Variants in BTBD10 observed in about 807,000 individuals in gnomAD.
The protein encoded by BTBD10 is BTB/POZ domain-containing protein 10.
A neutral mutation model predicts 53.2 loss-of-function variants in BTBD10; 21 were observed. The ratio of observed to expected loss-of-function variants is 0.39; its 90% CI spans 0.28 to 0.57. BTBD10 has a LOEUF of 0.57. Among genes scored for constraint, BTBD10 ranks in the 20% least tolerant of loss-of-function variants. The pLI is 0.53. For synonymous variants in BTBD10, 149 were observed against 192.7 expected (o/e 0.77, Z 1.88); for missense variants, 360 against 594.7 (o/e 0.61, Z 4.10).
chr11:13,409,972 T>C (rs1949904661), intron 6 of BTBD10, among the ~76,000 whole-genome samples: 1 of 152,104 alleles, frequency 6.6e-6, no homozygotes, highest in African/African-American at 2.4e-5. Flanking sequence ...GGCACAAGAA[T>C]GATACAGTGG....
In BTBD10 at chr11:13,388,925, G is replaced by T. The variant is rs1949330620; in HGVS notation, c.1334C>A (p.Pro445Gln). ...IPQDQLVVMH[P>Q]TPQVDELDIL... ...ATCCAGCTCATCCACTTGTGGAGTT[G>T]GATGCATGACTACCAGCTGGTCCTG... Residue 445 changes from proline (P) to glutamine (Q), a missense_variant, in exon 9 of 9, where the codon CCA (proline) becomes CAA (glutamine). This residue lies in a region of BTBD10 where 52 missense variants were observed against 180.4 expected (regional missense o/e 0.29). Coordinates refer to ENST00000278174, the MANE Select transcript of BTBD10 (RefSeq NM_032320.7). The T allele has an allele frequency of 6.2e-7, 1 of 1,614,052 alleles. No individual in the cohort carries two copies.
intron 2 of BTBD10, among the ~76,000 whole-genome samples, chr11:13,440,721 T>C (rs1325071110): frequency 6.6e-6 from 1 of 152,174 alleles, no homozygotes; most frequent in African/African-American, 2.4e-5. Context: ...CCTTGCGGCA[T>C]AGTCTATACT....
At chr11:13,417,085 A>C in intron 5 of BTBD10, 73 bp downstream of exon 5, 1 of 1,036,012 alleles carries the variant, frequency 9.7e-7, no homozygotes. Context: ...ATTCAAATAG[A>C]ATTCTGCGTC....
chr11:13,393,206 G>A (rs1053633823), intron 8 of BTBD10, among the ~76,000 whole-genome samples: 1 of 152,286 alleles, frequency 6.6e-6, no homozygotes, highest in African/African-American at 2.4e-5. Flanking sequence ...AGGTAGGCCT[G>A]ACTATAGCAA....
intron 1 of BTBD10, among the ~76,000 whole-genome samples, chr11:13,452,244 GAAAGACAAAACTAT>G (rs779133254): frequency 6.0e-4 from 92 of 152,268 alleles, no homozygotes; most frequent in Admixed American, 4.0e-3. Context: ...TCATATGTAT[GAAAGACAAAACTAT>G]AAAGACAAAA....
At chr11:13,438,668 A>C (rs1950589840) in intron 2 of BTBD10, among the ~76,000 whole-genome samples, 1 of 151,938 alleles carries the variant, frequency 6.6e-6, no homozygotes, top group Non-Finnish European at 1.5e-5. Context: ...ACACAGAAAA[A>C]ACAGGTTATA....
At chr11:13,454,211 A>G (rs1247298228) in intron 1 of BTBD10, among the ~76,000 whole-genome samples, 1 of 152,222 alleles carries the variant, frequency 6.6e-6, no homozygotes, top group Non-Finnish European at 1.5e-5. Flanking sequence ...CTCATGTTTT[A>G]GTTATTGCAA....
At chr11:13,445,267 G>T in intron 1 of BTBD10, 86 bp from the exon 2 acceptor site, 1 of 484,870 alleles carries the variant, frequency 2.1e-6, no homozygotes, top group Non-Finnish European at 3.6e-6. Flanking sequence ...ATATTATTGT[G>T]ACATATTTTT....
intron 2 of BTBD10, among the ~76,000 whole-genome samples, chr11:13,435,706 T>C (rs938482923): frequency 1.3e-5 from 2 of 152,170 alleles, no homozygotes; most frequent in African/African-American, 4.8e-5. Flanking sequence ...TTGGCCAGGC[T>C]GATCTTGAAC....
intron 8 of BTBD10, among the ~76,000 whole-genome samples, chr11:13,395,372 C>T (rs1293386175): frequency 6.6e-6 from 1 of 152,018 alleles, no homozygotes; most frequent in Non-Finnish European, 1.5e-5. Flanking sequence ...TATCCTTTGC[C>T]CACTTTTTGA....
At chr11:13,460,370 C>T (rs1951068662) in intron 1 of BTBD10, among the ~76,000 whole-genome samples, 1 of 152,110 alleles carries the variant, frequency 6.6e-6, no homozygotes, top group Non-Finnish European at 1.5e-5. Context: ...GTGAAGACCC[C>T]CAACTTGCCC....
At chr11:13,431,359 CA>C (rs909437888) in intron 2 of BTBD10, among the ~76,000 whole-genome samples, 4 of 152,134 alleles carry the variant, frequency 2.6e-5, no homozygotes, top group Non-Finnish European at 5.9e-5. Flanking sequence ...AAACTTACCA[CA>C]AAAGCCCAAA....
rs1949309919 is a variant in BTBD10, at chr11:13,388,393, T to C, written c.*438A>G. ...TTTGACAGAAGCACTTAAATTATAT[T>C]GTGCATCACAACTATAAAATGGCTT... On this transcript the variant is annotated 3_prime_UTR_variant, in exon 9 of 9. Transcript: ENST00000278174. 6.3e-6 allele frequency: 1 copy of C among 157,624 alleles called. No individual in the cohort carries two copies. The highest frequency in any genetic ancestry group is 1.9e-4 in the South Asian group (1 of 5,270). 9.8% of individuals were successfully genotyped at this position (157,624 alleles called of 1,614,324 possible). A position where few individuals can be genotyped will look rare whatever the true frequency, so the allele number is the denominator to read the frequency against.
intron 1 of BTBD10, among the ~76,000 whole-genome samples, chr11:13,454,132 G>C (rs1026461622): frequency 3.3e-5 from 5 of 152,156 alleles, no homozygotes; most frequent in African/African-American, 1.2e-4. Flanking sequence ...GAGGAAATAA[G>C]AATTACAAAG....
intron 1 of BTBD10, among the ~76,000 whole-genome samples, chr11:13,449,486 TTTAAAGGGAAAAAAAA>T (rs1950813017): frequency 6.6e-6 from 1 of 151,660 alleles, no homozygotes; most frequent in African/African-American, 2.4e-5. Context: ...TCCAAAAGAG[TTTAAAGGGAAAAAAAA>T]AAAGAATTGA....
rs72242186 is a variant in BTBD10 at position 13,406,560 on chromosome 11, T to TGAGAGAGAGAGAGA, written c.809-718_809-705dup. 1.9e-3 allele frequency among the ~76,000 whole-genome samples: 275 copies of TGAGAGAGAGAGAGA among 141,440 alleles called. 1 individual carries two copies. Among genetic ancestry groups the TGAGAGAGAGAGAGA allele is most frequent in the African/African-American group, 6.9e-3 (262 of 38,120 alleles). The allele number at this position is 141,440 out of a possible 152,430, so 92.8% of individuals were successfully genotyped here. A position where few individuals can be genotyped will look rare whatever the true frequency, so the allele number is the denominator to read the frequency against. On this transcript the variant is annotated intron_variant, in intron 6 of 8. Coordinates refer to ENST00000278174, the MANE Select transcript of BTBD10 (RefSeq NM_032320.7). The stretch of plus-strand genomic sequence containing the variant: ...CAACCATGGCAACCATACGCATGAG[T>TGAGAGAGAGAGAGA]GAGAGAGAGAGAGAGAGAGAGAGAG...
At chr11:13,390,442 C>G (rs995583332) in intron 8 of BTBD10, among the ~76,000 whole-genome samples, 4 of 151,878 alleles carry the variant, frequency 2.6e-5, no homozygotes, top group African/African-American at 9.7e-5. Context: ...CTTCCGGGTT[C>G]AAGAGATTCT....
chr11:13,393,469 A>C (rs1232617034), intron 8 of BTBD10, among the ~76,000 whole-genome samples: 1 of 152,180 alleles, frequency 6.6e-6, no homozygotes, highest in Non-Finnish European at 1.5e-5. Flanking sequence ...CTAACTCGGA[A>C]ATCTCAATTT....
At chr11:13,423,513 T>G (rs1475148181) in intron 2 of BTBD10, among the ~76,000 whole-genome samples, 1 of 152,214 alleles carries the variant, frequency 6.6e-6, no homozygotes, top group Non-Finnish European at 1.5e-5. Context: ...AGTTCAAAAC[T>G]GCAAGACTTG....
Sources: allele counts gnomAD v4.1 joint callset (sites outside exome capture counted in the v4.1 genomes callset), GRCh38; gene constraint gnomAD v4.1.1; regional missense constraint gnomAD v4.1.1; transcripts MANE v1.5; gene names NCBI Gene and HGNC (gene_info 2026-07-23, HGNC 2026-07-21).